TNKS: variants seen among roughly 807,000 people sequenced by gnomAD.
TNKS encodes the protein tankyrase.
In TNKS, 72 loss-of-function variants were observed where a neutral mutation model predicts 135.8. The ratio of observed to expected loss-of-function variants is 0.53; its 90% confidence interval spans 0.44 to 0.64. The LOEUF is 0.64. Among genes scored for constraint, TNKS ranks in the 30% least tolerant of loss-of-function variants. The pLI, the probability that TNKS is intolerant of heterozygous loss-of-function variation, is 0.00. For missense variants in TNKS, 1,769 were observed against 1,674.0 expected (o/e 1.06, Z -0.99); for synonymous variants, 849 against 649.3 (o/e 1.31, Z -4.68).
intron 22 of TNKS, among the ~76,000 whole-genome samples, chr8:9,763,831 A>G (rs1240059242): frequency 6.6e-6 from 1 of 152,154 alleles, no homozygotes; most frequent in African/African-American, 2.4e-5. Flanking sequence ...CCATTGTTAT[A>G]AGTAAGCTAC....
intron 5 of TNKS, among the ~76,000 whole-genome samples, chr8:9,685,483 T>A (rs1802951292): frequency 6.6e-6 from 1 of 152,220 alleles, no homozygotes; most frequent in Non-Finnish European, 1.5e-5. Flanking sequence ...TAATTTTTTC[T>A]GAAACTTTCA....
intron 4 of TNKS, 42 bp from the exon 5 acceptor site, chr8:9,680,683 G>T (rs372326424): frequency 7.1e-7 from 1 of 1,400,988 alleles, no homozygotes. Flanking sequence ...TTCATAAGAA[G>T]CTTTGTAATT....
At chr8:9,593,287 A>C (rs1402216408) in intron 2 of TNKS, among the ~76,000 whole-genome samples, 1 of 152,212 alleles carries the variant, frequency 6.6e-6, no homozygotes, top group East Asian at 1.9e-4. Flanking sequence ...CAGATTACCT[A>C]CCAGTTTACC....
intron 1 of TNKS, among the ~76,000 whole-genome samples, chr8:9,579,289 C>G (rs1232495120): frequency 1.3e-5 from 2 of 152,150 alleles, no homozygotes; most frequent in Non-Finnish European, 2.9e-5. Context: ...AGTTTGGCCA[C>G]TAGCCCCAAG....
intron 5 of TNKS, among the ~76,000 whole-genome samples, chr8:9,704,150 T>C (rs1016237619): frequency 6.6e-6 from 1 of 152,222 alleles, no homozygotes; most frequent in Non-Finnish European, 1.5e-5. Flanking sequence ...CCCATTGTCC[T>C]TTTTGTTTCC....
At chr8:9,753,181 C>G (rs1005411227) in intron 20 of TNKS, among the ~76,000 whole-genome samples, 5 of 152,206 alleles carry the variant, frequency 3.3e-5, no homozygotes, top group Middle Eastern at 3.4e-3. Context: ...AAAACTTAGA[C>G]CATGCAACTA....
chr8:9,679,632 G>C, intron 3 of TNKS: 1 of 268,946 alleles, frequency 3.7e-6, no homozygotes, highest in Non-Finnish European at 7.2e-6. Flanking sequence ...GAAAAGGGGG[G>C]AGGGGACATT....
intron 5 of TNKS, among the ~76,000 whole-genome samples, chr8:9,689,084 A>C (rs1803143454): frequency 6.6e-6 from 1 of 152,090 alleles, no homozygotes; most frequent in African/African-American, 2.4e-5. Context: ...CTTCAACATA[A>C]ATTTTAGGGG....
At chr8:9,561,129 T>G (rs1202196040) in intron 1 of TNKS, among the ~76,000 whole-genome samples, 3 of 152,246 alleles carry the variant, frequency 2.0e-5, no homozygotes, top group African/African-American at 7.2e-5. Flanking sequence ...TCAATCATCT[T>G]TTTATTAAAG....
chr8:9,628,951 G>A (rs930742814), intron 3 of TNKS, among the ~76,000 whole-genome samples: 3 of 152,024 alleles, frequency 2.0e-5, no homozygotes, highest in South Asian at 2.1e-4. Flanking sequence ...CCTACAAGTC[G>A]GACTTTATTC....
chr8:9,671,911 A>G (rs1266395679), intron 3 of TNKS, among the ~76,000 whole-genome samples: 3 of 152,208 alleles, frequency 2.0e-5, no homozygotes, highest in African/African-American at 7.2e-5. Flanking sequence ...ATATGGCATG[A>G]TGCTCTGAGT....
intron 2 of TNKS, among the ~76,000 whole-genome samples, chr8:9,593,684 A>T (rs2128755570): frequency 6.6e-6 from 1 of 152,202 alleles, no homozygotes; most frequent in Non-Finnish European, 1.5e-5. Flanking sequence ...ATTTAGAAAG[A>T]TATGTTTCAT....
chr8:9,744,407 A>G (rs1266719845), intron 17 of TNKS, among the ~76,000 whole-genome samples: 2 of 152,186 alleles, frequency 1.3e-5, no homozygotes, highest in African/African-American at 2.4e-5. Flanking sequence ...GGGGAATTTC[A>G]TGACATAATT....
intron 5 of TNKS, among the ~76,000 whole-genome samples, chr8:9,693,603 G>A (rs1467613780): frequency 6.6e-6 from 1 of 152,104 alleles, no homozygotes; most frequent in Admixed American, 6.5e-5. Context: ...ATTGAGACTG[G>A]TTAAACTGAG....
In TNKS at chr8:9,556,564, G is replaced by A; in HGVS notation, c.625G>A (p.Ala209Thr). The A allele has an allele frequency of 6.2e-7, 1 of 1,614,120 alleles. No individual in the cohort carries two copies. ...KRLVDAANVN[A>T]KDMAGRKSSP... ...GCTGGTGGACGCGGCAAACGTAAAT[G>A]CAAAGGACATGGCCGGCCGGAAGTC... The change falls in exon 1 of 27, where the codon GCA becomes ACA. Residue 209 changes from alanine to threonine, a missense_variant. Coordinates refer to ENST00000310430, the MANE Select transcript of TNKS (RefSeq NM_003747.3).
At chr8:9,676,508 C>G (rs1449992170) in intron 3 of TNKS, among the ~76,000 whole-genome samples, 3 of 152,084 alleles carry the variant, frequency 2.0e-5, no homozygotes, top group Admixed American at 6.6e-5. Context: ...CATGACTTCT[C>G]CTTAGTGATT....
chr8:9,710,508 A>G (rs1196136058), intron 11 of TNKS: 2 of 531,052 alleles, frequency 3.8e-6, no homozygotes, highest in African/African-American at 1.9e-5. Context: ...AGTTAATACT[A>G]TACGGATATA....
intron 9 of TNKS, 150 bp downstream of exon 9, chr8:9,708,642 T>A: frequency 1.2e-6 from 1 of 804,332 alleles, no homozygotes; most frequent in Non-Finnish European, 1.8e-6. Flanking sequence ...TTTTTAAACT[T>A]AGTTTGGGGG....
intron 1 of TNKS, among the ~76,000 whole-genome samples, chr8:9,575,940 C>T (rs1797928508): frequency 6.6e-6 from 1 of 152,090 alleles, no homozygotes. Flanking sequence ...TCTATGCCAG[C>T]ATTTAAAAAA....
Sources: gnomAD v4.1 joint callset for allele counts (sites outside exome capture counted in the v4.1 genomes callset) on GRCh38, gnomAD v4.1.1 for gene constraint, MANE v1.5 for transcripts, NCBI Gene and HGNC (gene_info 2026-07-23, HGNC 2026-07-21) for gene names.